The following FMOD variants were observed in gnomAD, a reference collection of about 807,000 sequenced individuals.
FMOD encodes fibromodulin, also known as KSPG fibromodulin.
Under a neutral mutation model 27.0 loss-of-function variants are expected in FMOD, and 15 were observed. The ratio of observed to expected loss-of-function variants is 0.55; its 90% CI spans 0.37 to 0.85. The LOEUF (loss-of-function observed/expected upper bound fraction) is 0.85. Ranked by LOEUF, FMOD falls within the 40% of genes least tolerant of loss-of-function variation. The pLI, the probability that FMOD is intolerant of heterozygous loss-of-function variation, is 0.00. For synonymous variants in FMOD, 210 were observed against 214.0 expected (o/e 0.98, Z 0.16); for missense variants, 460 against 483.2 (o/e 0.95, Z 0.45).
intron 1 of FMOD, 112 bp from the exon 2 acceptor site, chr1:203,348,389 G>A (rs1439128446): frequency 2.7e-6 from 3 of 1,107,206 alleles, no homozygotes; most frequent in Non-Finnish European, 3.8e-6. Context: ...TGACTTCCAT[G>A]TCAAACATCT....
At chr1:203,346,496 C>CT (rs5780162) in intron 2 of FMOD, among the ~76,000 whole-genome samples, 119,915 of 146,310 alleles carry the variant, frequency 0.82, 49,400 homozygotes, top group Non-Finnish European at 0.88. Flanking sequence ...GGGAGGCAGC[C>CT]TTTTTTTTTT....
rs772265764 is a variant in FMOD, at chr1:203,348,153, C to T, written c.118G>A (p.Asp40Asn). The T allele has an allele frequency of 2.7e-5, 43 of 1,613,948 alleles. No individual in the cohort carries two copies. Among genetic ancestry groups the T allele is most frequent in the African/African-American group, 5.3e-5 (4 of 74,848 alleles). The change falls in exon 2 of 3, where the codon GAT (aspartate) becomes AAT (asparagine). Residue 40 changes from aspartate to asparagine, a missense_variant. Transcript: ENST00000354955. ...YLRSQQSTYY[D>N]PYDPYPYETY... ...TCATACGGGTAAGGGTCATAGGGATCGTAGTAGGTGGACTGCTGGCTGCGG... is the reference window on the plus strand; with the variant it reads ...TCATACGGGTAAGGGTCATAGGGATTGTAGTAGGTGGACTGCTGGCTGCGG...
chr1:203,345,098 A>T (rs1658864964), intron 2 of FMOD, among the ~76,000 whole-genome samples: 1 of 152,234 alleles, frequency 6.6e-6, no homozygotes, highest in African/African-American at 2.4e-5. Context: ...AAGGAAAATA[A>T]AGCATTATTT....
At position 203,340,785 on chromosome 1, in the gene FMOD, T is replaced by G. The variant is rs893078247; in HGVS notation, c.*1558A>C. On this transcript the variant is annotated 3_prime_UTR_variant, in exon 3 of 3. Transcript: ENST00000354955. ...CTTGCCCCTCACATCGGAGCTCCTT[T>G]GTTGAAATGAGCTGGTTTGGCTTTT... is the stretch of plus-strand genomic sequence containing the variant. The G allele has an allele frequency of 6.6e-6, 1 of 152,232 alleles. No homozygotes were observed. Among genetic ancestry groups the G allele is most frequent in the African/African-American group, 2.4e-5 (1 of 41,450 alleles). 9.4% of individuals were successfully genotyped at this position (152,232 alleles called of 1,614,324 possible). A position where few individuals can be genotyped will look rare whatever the true frequency, so the allele number is the denominator to read the frequency against.
At position 203,340,838 on chromosome 1, in the gene FMOD, G is replaced by C. The variant is rs4605; in HGVS notation, c.*1505C>G. On this transcript the variant is annotated 3_prime_UTR_variant, in exon 3 of 3. Transcript: ENST00000354955. ...GGATTCCAGGTCTGGAGCCAAGAAC[G>C]TAGTCCAAAGATCCCCTCTTCCCTT... 89,509 of 152,144 alleles carry C rather than the reference G, an allele frequency of 0.59. 27,125 individuals are homozygous for C. The highest frequency in any genetic ancestry group is 0.95 in the East Asian group (4,943 of 5,178). 9.4% of individuals were successfully genotyped at this position (152,144 alleles called of 1,614,324 possible). A position where few individuals can be genotyped will look rare whatever the true frequency, so the allele number is the denominator to read the frequency against.
chr1:203,350,525 T>C (rs6661575), intron 1 of FMOD, among the ~76,000 whole-genome samples: 128,037 of 151,996 alleles, frequency 0.84, 55,601 homozygotes, highest in East Asian at 0.97. Flanking sequence ...CACAGCTCCC[T>C]GGACATGGCC....
intron 2 of FMOD, among the ~76,000 whole-genome samples, chr1:203,342,711 C>G (rs1300151235): frequency 1.3e-5 from 2 of 152,118 alleles, no homozygotes; most frequent in African/African-American, 2.4e-5. Flanking sequence ...AGCTCACCTC[C>G]TAACCACCAA....
intron 2 of FMOD, 53 bp from the exon 3 acceptor site, chr1:203,342,547 T>C: frequency 6.4e-7 from 1 of 1,568,984 alleles, no homozygotes; most frequent in Non-Finnish European, 8.7e-7. Flanking sequence ...ATTACGAACC[T>C]GAAGCCACAG....
rs537829972 is a variant in FMOD, at chr1:203,348,587, C to T, written c.-7-310G>A. 1.8e-4 allele frequency among the ~76,000 whole-genome samples: 27 copies of T among 152,190 alleles called. 1 individual carries two copies. The South Asian group carries it at 4.0e-3, about 22-fold the overall frequency. ...TTTGGAGGGGCAGATTCTTAGGAGC[C>T]TCTAGCACTCTGAAAGTCCTGTGGG... On this transcript the variant is annotated intron_variant, in intron 1 of 2. Transcript: ENST00000354955.
chr1:203,342,421 G>T lies in FMOD; in HGVS notation c.1053C>A (p.Asp351Glu). ...NFSKLQVLRL[D>E]GNEIKRSAMP... The stretch of plus-strand genomic sequence containing the variant: ...TGGCGCTGCGCTTGATCTCGTTCCC[G>T]TCCAGGCGCAGCACCTGCAGCTTGG... Residue 351 changes from aspartate to glutamate, a missense_variant, in exon 3 of 3, where the codon GAC becomes GAA. Physicochemically the swap from Asp to Glu is conservative, Grantham distance 45. Transcript: ENST00000354955. The T allele has an allele frequency of 1.2e-6, 2 of 1,614,112 alleles. No individual in the cohort carries two copies. The highest frequency in any genetic ancestry group is 1.7e-6 in the Non-Finnish European group (2 of 1,180,002).
Sources: gnomAD v4.1 joint callset for allele counts (sites outside exome capture counted in the v4.1 genomes callset) on GRCh38, gnomAD v4.1.1 for gene constraint, MANE v1.5 for transcripts, NCBI Gene and HGNC (gene_info 2026-07-23, HGNC 2026-07-21) for gene names.